The following PIAS1 variants were observed in gnomAD, a reference collection of about 807,000 sequenced individuals.
The protein encoded by PIAS1 is E3 SUMO-protein ligase PIAS1.
PIAS1 carries 6 observed loss-of-function variants against 71.3 expected under a neutral mutation model. The ratio of observed to expected loss-of-function variants is 0.08; its 90% CI spans 0.05 to 0.17. The LOEUF (loss-of-function observed/expected upper bound fraction) is 0.17. Among genes scored for constraint, PIAS1 ranks in the 10% least tolerant of loss-of-function variants. The pLI is 1.00. For synonymous variants in PIAS1, 303 were observed against 292.9 expected (o/e 1.03, Z -0.35); for missense variants, 555 against 793.6 (o/e 0.70, Z 3.61).
In PIAS1 at chr15:68,189,417, A is replaced by C. The variant is rs2093108075; in HGVS notation, c.*1582A>C. On this transcript the variant is annotated 3_prime_UTR_variant, in exon 14 of 14. Coordinates refer to ENST00000249636, the MANE Select transcript of PIAS1 (RefSeq NM_016166.3). ...AATGTTCTCAGAGTTGATGAGGACC[A>C]CCTTTGTGTATACACTTGTAGTTTT... 2 of 152,222 alleles carry C rather than the reference A, an allele frequency of 1.3e-5. No homozygotes were observed. The highest frequency in any genetic ancestry group is 4.1e-4 in the South Asian group (2 of 4,836). 9.4% of individuals were successfully genotyped at this position (152,222 alleles called of 1,614,324 possible).
In PIAS1 at chr15:68,191,027, C is replaced by G. The variant is rs2093117250; in HGVS notation, c.*3192C>G. The stretch of plus-strand genomic sequence containing the variant: ...TTTAAACACATAAAACTTTCAAGAT[C>G]TTCAGGACTTTTTAAAGCACATTTG... On this transcript the variant is annotated 3_prime_UTR_variant, in exon 14 of 14. Transcript: ENST00000249636. 1.3e-5 allele frequency: 2 copies of G among 152,348 alleles called. No individual in the cohort carries two copies. The highest frequency in any genetic ancestry group is 4.8e-5 in the African/African-American group (2 of 41,428). 9.4% of individuals were successfully genotyped at this position (152,348 alleles called of 1,614,324 possible).
rs369017550 is a variant in PIAS1 at position 68,089,493 on chromosome 15, G to A, written c.469+2743G>A. Among the ~76,000 whole-genome samples the A allele has an allele frequency of 4.2e-4, 64 of 152,054 alleles. No individual in the cohort carries two copies. The South Asian group carries it at 0.012, about 29-fold the overall frequency. ...TTTCTAGGCTGTCCTCCTTTCATCT[G>A]TACATTTCTTCCCCAGCCAGAATCA... is the stretch of plus-strand genomic sequence containing the variant. On this transcript the variant is annotated intron_variant, in intron 2 of 13. Coordinates refer to ENST00000249636, the MANE Select transcript of PIAS1 (RefSeq NM_016166.3).
At chr15:68,144,721 C>A (rs2092796207) in intron 4 of PIAS1, among the ~76,000 whole-genome samples, 2 of 152,088 alleles carry the variant, frequency 1.3e-5, no homozygotes, top group East Asian at 1.9e-4. Flanking sequence ...TCTAGAAAAT[C>A]TTTGTAGATC....
rs192874045 is a variant in PIAS1, at chr15:68,062,399, G to A, written c.24+8049G>A. On this transcript the variant is annotated intron_variant, in intron 1 of 13. Coordinates refer to ENST00000249636, the MANE Select transcript of PIAS1 (RefSeq NM_016166.3). The stretch of plus-strand genomic sequence containing the variant: ...AACATATCCCATTACAGTTCACCTC[G>A]TTAAAGTGCACAGTCAGGTAGTTTT... 7.9e-5 allele frequency among the ~76,000 whole-genome samples: 12 copies of A among 152,252 alleles called. No individual in the cohort carries two copies. The East Asian group carries it at 2.1e-3, about 27-fold the overall frequency.
Position 68,173,583 on chromosome 15 carries a change from A to T in PIAS1, c.1009-149A>T. 2.2e-6 allele frequency: 1 copy of T among 446,468 alleles called. No homozygotes were observed. Among genetic ancestry groups the T allele is most frequent in the Non-Finnish European group, 3.9e-6 (1 of 253,966 alleles). The allele number at this position is 446,468 out of a possible 1,614,324, so 27.7% of individuals were successfully genotyped here. A position where few individuals can be genotyped will look rare whatever the true frequency, so the allele number is the denominator to read the frequency against. ...TTAACCTATGGATATTTCACAGGAA[A>T]TGTGTTTAATGTTCTTCTACATTGA... On this transcript the variant is annotated intron_variant, in intron 8 of 13. Coordinates refer to ENST00000249636, the MANE Select transcript of PIAS1 (RefSeq NM_016166.3). The surrounding 1 kb of genome is among the most constrained non-coding windows in gnomAD (Gnocchi z 4.3).
intron 2 of PIAS1, among the ~76,000 whole-genome samples, chr15:68,109,045 A>G (rs1246332954): frequency 1.3e-5 from 2 of 152,130 alleles, no homozygotes; most frequent in African/African-American, 2.4e-5. Flanking sequence ...CATCTTTGTT[A>G]CCTGTCTGAT....
At chr15:68,107,829 G>T (rs778711619) in intron 2 of PIAS1, among the ~76,000 whole-genome samples, 2 of 151,684 alleles carry the variant, frequency 1.3e-5, no homozygotes, top group African/African-American at 4.8e-5. Flanking sequence ...CAGTTACTTT[G>T]TTCCTATATA....
chr15:68,193,192 C>T lies in PIAS1; in HGVS notation c.*5357C>T, dbSNP rs889680863. The stretch of plus-strand genomic sequence containing the variant: ...AACCTCTCTGCCTGTTAACAGAGCC[C>T]AGGGAACAGCTCGGAATTCTCACAG... On this transcript the variant is annotated 3_prime_UTR_variant, in exon 14 of 14. Coordinates refer to ENST00000249636, the MANE Select transcript of PIAS1 (RefSeq NM_016166.3). 1.3e-5 allele frequency: 2 copies of T among 152,372 alleles called. No individual in the cohort carries two copies. The highest frequency in any genetic ancestry group is 2.9e-5 in the Non-Finnish European group (2 of 68,172). The allele number at this position is 152,372 out of a possible 1,614,324, so 9.4% of individuals were successfully genotyped here. A position where few individuals can be genotyped will look rare whatever the true frequency, so the allele number is the denominator to read the frequency against.
Position 68,054,619 on chromosome 15 carries a change from G to A in PIAS1, c.24+269G>A, listed in dbSNP as rs980661659. The A allele has an allele frequency of 6.1e-5, 24 of 392,500 alleles. No individual in the cohort carries two copies. Among genetic ancestry groups the A allele is most frequent in the Non-Finnish European group, 1.4e-5 (3 of 219,556 alleles). The allele number at this position is 392,500 out of a possible 1,614,324, so 24.3% of individuals were successfully genotyped here. A position where few individuals can be genotyped will look rare whatever the true frequency, so the allele number is the denominator to read the frequency against. On this transcript the variant is annotated intron_variant, in intron 1 of 13. Transcript: ENST00000249636. The surrounding 1 kb of genome is among the most constrained non-coding windows in gnomAD (Gnocchi z 4.6). ...GCGGGGGTGGCGGGGGAAGAGATAG[G>A]GAGTCCGGAGGTAGGGGCTGCAGCT...
rs769745631 is a variant in PIAS1, at chr15:68,187,769, A to G, written c.1890A>G (p.Thr630=). The G allele has an allele frequency of 1.9e-6, 3 of 1,613,994 alleles. No individual in the cohort carries two copies. The highest frequency in any genetic ancestry group is 4.5e-5 in the East Asian group (2 of 44,866). Residue 630 remains threonine, a synonymous_variant, in exon 14 of 14, where the codon ACA becomes ACG. Coordinates refer to ENST00000249636, the MANE Select transcript of PIAS1 (RefSeq NM_016166.3). This position sits in a 1 kb window ranked among gnomAD's most constrained non-coding sequence, Gnocchi z 5.3. Reference sequence around the variant, plus strand: ...GGGAAAGCCATAGCCACACCGTCACAAACAGGAGCAGCACGGACACGGCAT... The same window carrying G: ...GGGAAAGCCATAGCCACACCGTCACGAACAGGAGCAGCACGGACACGGCAT... ...SLRESHSHTV[T]NRSSTDTASI...
chr15:68,113,099 G>T (rs2141011729), intron 2 of PIAS1, among the ~76,000 whole-genome samples: 1 of 152,218 alleles, frequency 6.6e-6, no homozygotes, highest in African/African-American at 2.4e-5. Flanking sequence ...TGCCATTAAA[G>T]ATATGTTTAT....
chr15:68,080,680 T>G (rs1362665785), intron 1 of PIAS1, among the ~76,000 whole-genome samples: 1 of 152,228 alleles, frequency 6.6e-6, no homozygotes, highest in East Asian at 1.9e-4. Flanking sequence ...AAAATACTTT[T>G]GTTGTTGTGT....
intron 1 of PIAS1, among the ~76,000 whole-genome samples, chr15:68,075,078 CTTTTTTT>C (rs146114696): frequency 5.9e-4 from 48 of 81,762 alleles, no homozygotes; most frequent in East Asian, 1.8e-3. Context: ...TTCTTTCTTT[CTTTTTTT>C]TTTTTTTTTT....
chr15:68,184,446 A>G (rs779902990), intron 13 of PIAS1: 9 of 152,240 alleles, frequency 5.9e-5, no homozygotes, highest in East Asian at 3.8e-4. Flanking sequence ...AGACACAGAA[A>G]CATATCCCTC....
At chr15:68,155,449 TAAAAAAA>T (rs71937461) in intron 7 of PIAS1, among the ~76,000 whole-genome samples, 9 of 103,332 alleles carry the variant, frequency 8.7e-5, no homozygotes, top group East Asian at 4.2e-4. Context: ...ATGCTGCCTG[TAAAAAAA>T]AAAAAAAAAA....
intron 2 of PIAS1, among the ~76,000 whole-genome samples, chr15:68,110,411 C>T (rs2092512781): frequency 1.3e-5 from 2 of 152,224 alleles, no homozygotes; most frequent in East Asian, 3.9e-4. Context: ...GCCCAGCCAA[C>T]ATGGTGAAAC....
At chr15:68,175,050 T>C (rs1214506581) in intron 9 of PIAS1, among the ~76,000 whole-genome samples, 1 of 152,184 alleles carries the variant, frequency 6.6e-6, no homozygotes, top group South Asian at 2.1e-4. Flanking sequence ...AAAGCTTTTT[T>C]CGGTATATGA....
chr15:68,061,120 T>C (rs2091954260), intron 1 of PIAS1, among the ~76,000 whole-genome samples: 3 of 152,366 alleles, frequency 2.0e-5, no homozygotes, highest in South Asian at 4.1e-4. Context: ...AAGTAGTGCA[T>C]GTAGAAGGAA....
intron 2 of PIAS1, among the ~76,000 whole-genome samples, chr15:68,094,114 G>T (rs1035652699): frequency 6.6e-6 from 1 of 151,158 alleles, no homozygotes; most frequent in African/African-American, 2.5e-5. Context: ...TAAACACCAA[G>T]AATGTCTATT....
Sources: allele counts gnomAD v4.1 joint callset (sites outside exome capture counted in the v4.1 genomes callset), GRCh38; gene constraint gnomAD v4.1.1; non-coding constraint Gnocchi (gnomAD v3.1); transcripts MANE v1.5; gene names NCBI Gene and HGNC (gene_info 2026-07-23, HGNC 2026-07-21).